Variants in MGAT4D observed in about 807,000 individuals in gnomAD.
The protein encoded by MGAT4D is MGAT4 family member D.
Under a neutral mutation model 15.9 loss-of-function variants are expected in MGAT4D, and 34 were observed. The ratio of observed to expected loss-of-function variants is 2.14; its 90% CI spans 1.62 to 2.84. MGAT4D has a LOEUF of 2.84. Among genes scored for constraint, MGAT4D ranks in the 30% most tolerant of loss-of-function variants. MGAT4D has a pLI of 0.00. For synonymous variants in MGAT4D, 112 were observed against 48.2 expected (o/e 2.33, Z -5.49); for missense variants, 327 against 140.2 (o/e 2.33, Z -6.73).
At chr4:140,482,585 ATATATAGTAC>A (rs2126829832) in intron 1 of MGAT4D, 100 bp from the exon 2 acceptor site, 1 of 522,088 alleles carries the variant, frequency 1.9e-6, no homozygotes, top group Admixed American at 3.8e-5. Flanking sequence ...CAATATAGTT[ATATATAGTAC>A]TATATATGTA....
chr4:140,488,182 G>C (rs190597942), intron 1 of MGAT4D, among the ~76,000 whole-genome samples: 16 of 152,132 alleles, frequency 1.1e-4, no homozygotes, highest in Non-Finnish European at 2.4e-4. Context: ...AGTTCCCTGA[G>C]TGCTTACTTG....
intron 1 of MGAT4D, among the ~76,000 whole-genome samples, chr4:140,488,433 G>A (rs999247636): frequency 6.6e-6 from 1 of 152,240 alleles, no homozygotes; most frequent in African/African-American, 2.4e-5. Context: ...TGTGGGAATG[G>A]TGCATATATT....
chr4:140,462,077 A>T, intron 6 of MGAT4D, 73 bp from the exon 7 acceptor site: 1 of 649,596 alleles, frequency 1.5e-6, no homozygotes, highest in Non-Finnish European at 2.8e-6. Flanking sequence ...TTTAGTAATT[A>T]AAAAACTCTT....
rs535414258 is a variant in MGAT4D at position 140,497,455 on chromosome 4, G to GAAATTGA, written c.94+667_94+673dup. Reference sequence around the variant, plus strand: ...TATACTAATATATAATTGTTTATCTGAAATTGAAATTAAACTGGGCAACCT... The same window carrying GAAATTGA: ...TATACTAATATATAATTGTTTATCTGAAATTGAAAATTGAAATTAAACTGGGCAACCT... On this transcript the variant is annotated intron_variant, in intron 1 of 10. Transcript: ENST00000511113. Among the ~76,000 whole-genome samples, 1,158 of 152,268 alleles carry GAAATTGA rather than the reference G, an allele frequency of 7.6e-3. 8 individuals are homozygous for GAAATTGA. The highest frequency in any genetic ancestry group is 9.9e-3 in the Non-Finnish European group (671 of 68,018).
At chr4:140,484,611 G>A in intron 1 of MGAT4D, among the ~76,000 whole-genome samples, 1 of 152,256 alleles carries the variant, frequency 6.6e-6, no homozygotes, top group Non-Finnish European at 1.5e-5. Context: ...AGAGCGAACA[G>A]GCAACCTACA....
At position 140,451,536 on chromosome 4, in the gene MGAT4D, C is replaced by T. The variant is rs577344386; in HGVS notation, c.1009-19G>A. The stretch of plus-strand genomic sequence containing the variant: ...AGTTTCTCTGGGGAAAAAGAAACAA[C>T]AATCTTCTGTAAAAACCCAGGTATT... On this transcript the variant is annotated intron_variant, in intron 9 of 10. Transcript: ENST00000511113. 1 of 516,694 alleles carries T rather than the reference C, an allele frequency of 1.9e-6. No individual in the cohort carries two copies. The highest frequency in any genetic ancestry group is 3.5e-6 in the Non-Finnish European group (1 of 284,586). 32.0% of individuals were successfully genotyped at this position (516,694 alleles called of 1,614,324 possible). A position where few individuals can be genotyped will look rare whatever the true frequency, so the allele number is the denominator to read the frequency against.
intron 1 of MGAT4D, among the ~76,000 whole-genome samples, chr4:140,493,201 G>T (rs17389716): frequency 0.086 from 13,005 of 151,612 alleles, 568 homozygotes; most frequent in South Asian, 0.11. Flanking sequence ...CCGATGCCTC[G>T]GCTACCACCT....
intron 1 of MGAT4D, among the ~76,000 whole-genome samples, chr4:140,497,926 C>T: frequency 6.6e-6 from 1 of 152,154 alleles, no homozygotes; most frequent in East Asian, 1.9e-4. Flanking sequence ...GAGGTCGGGG[C>T]GCGGGTTACA....
At chr4:140,485,606 A>G (rs1361642570) in intron 1 of MGAT4D, among the ~76,000 whole-genome samples, 1 of 151,178 alleles carries the variant, frequency 6.6e-6, no homozygotes, top group Non-Finnish European at 1.5e-5. Flanking sequence ...ATAGAACTGC[A>G]TAACGCAGCA....
rs532396405 is a variant in MGAT4D, at chr4:140,477,548, A to G, written c.391+1942T>C. Among the ~76,000 whole-genome samples, 5 of 152,372 alleles carry G rather than the reference A, an allele frequency of 3.3e-5. No individual in the cohort carries two copies. The East Asian group carries it at 9.6e-4, about 29-fold the overall frequency. ...CAGAGGAGGTATGTTCATTATAGGC[A>G]GTGGTTAGCACATGCAGAATATATG... On this transcript the variant is annotated intron_variant, in intron 3 of 10. Transcript: ENST00000511113.
At chr4:140,451,352 GTATTT>G in intron 10 of MGAT4D, 53 bp downstream of exon 10, 1 of 490,714 alleles carries the variant, frequency 2.0e-6, no homozygotes, top group Non-Finnish European at 3.6e-6. Flanking sequence ...TTTCTAAATA[GTATTT>G]TATAAGTTTA....
chr4:140,446,702 T>C (rs565647396), intron 10 of MGAT4D, among the ~76,000 whole-genome samples: 1 of 150,594 alleles, frequency 6.6e-6, no homozygotes, highest in East Asian at 1.9e-4. Context: ...TTACTTCCTG[T>C]ATTCTGGTAG....
chr4:140,494,830 C>T (rs977275956), intron 1 of MGAT4D, among the ~76,000 whole-genome samples: 3 of 152,176 alleles, frequency 2.0e-5, no homozygotes, highest in Admixed American at 6.5e-5. Flanking sequence ...TGCTGCTAAA[C>T]ATTCTACAAT....
At chr4:140,449,061 T>G (rs1426786442) in intron 10 of MGAT4D, among the ~76,000 whole-genome samples, 1 of 152,246 alleles carries the variant, frequency 6.6e-6, no homozygotes, top group Non-Finnish European at 1.5e-5. Flanking sequence ...CTATGCCCAG[T>G]GCACTGTAAT....
At chr4:140,462,152 A>G (rs1185255947) in intron 6 of MGAT4D, 148 bp from the exon 7 acceptor site, 73 of 554,004 alleles carry the variant, frequency 1.3e-4, no homozygotes. Context: ...ATTTCAATTA[A>G]GTAAAATTGA....
intron 4 of MGAT4D, among the ~76,000 whole-genome samples, chr4:140,474,587 A>T (rs997507398): frequency 6.6e-6 from 1 of 152,214 alleles, no homozygotes; most frequent in Non-Finnish European, 1.5e-5. Context: ...TATTTCCCAC[A>T]TGAAGCCATT....
chr4:140,469,958 C>T (rs991753350), intron 5 of MGAT4D, among the ~76,000 whole-genome samples: 1 of 152,196 alleles, frequency 6.6e-6, no homozygotes, highest in East Asian at 1.9e-4. Flanking sequence ...AGCGGGGTAC[C>T]GGTTGGCCTC....
rs995785933 is a variant in MGAT4D, at chr4:140,492,839, T to C, written c.94+5290A>G. The stretch of plus-strand genomic sequence containing the variant: ...AGGAATGAGACTGAATAACCGAAAG[T>C]GACCAAAAAAGACACATAATAAGTC... On this transcript the variant is annotated intron_variant, in intron 1 of 10. Transcript: ENST00000511113. 6.6e-5 allele frequency among the ~76,000 whole-genome samples: 10 copies of C among 152,070 alleles called. 1 individual carries two copies. Among genetic ancestry groups the C allele is most frequent in the African/African-American group, 2.4e-4 (10 of 41,410 alleles).
In MGAT4D at chr4:140,479,560, G is replaced by T. The variant is rs1345176438; in HGVS notation, c.321C>A (p.Phe107Leu). 1 of 553,602 alleles carries T rather than the reference G, an allele frequency of 1.8e-6. No homozygotes were observed. Among genetic ancestry groups the T allele is most frequent in the Non-Finnish European group, 3.2e-6 (1 of 312,240 alleles). The allele number at this position is 553,602 out of a possible 1,614,324, so 34.3% of individuals were successfully genotyped here. The change falls in exon 3 of 11, where the codon TTC (phenylalanine) becomes TTA (leucine). Residue 107 changes from phenylalanine to leucine, a missense_variant. Transcript: ENST00000511113. ...TVSNTFEDLK[F>L]FFPHLRKEGR... ...CTTCTTTCCTTAGATGAGGAAAAAA[G>T]AACTTTAAGTCTTCAAATGTATTAG...
Sources: gnomAD v4.1 joint callset for allele counts (sites outside exome capture counted in the v4.1 genomes callset) on GRCh38, gnomAD v4.1.1 for gene constraint, MANE v1.5 for transcripts, NCBI Gene and HGNC (gene_info 2026-07-23, HGNC 2026-07-21) for gene names.